The following NEB variants were observed in gnomAD, a reference collection of about 807,000 sequenced individuals.
The protein encoded by NEB is nemaline myopathy type 2.
In NEB, 512 loss-of-function variants were observed where a neutral mutation model predicts 952.2. That is an observed-to-expected ratio of 0.54 (90% CI 0.50 to 0.58). NEB has a LOEUF of 0.58. NEB is among the 20% of genes least tolerant of loss of function. The pLI is 0.00. For synonymous variants in NEB, 2,900 were observed against 3,149.8 expected (o/e 0.92, Z 2.66); for missense variants, 8,428 against 9,231.1 (o/e 0.91, Z 3.56).
intron 175 of NEB, 27 bp downstream of exon 175, chr2:151,493,748 A>G: frequency 6.8e-7 from 1 of 1,470,004 alleles, no homozygotes; most frequent in South Asian, 1.2e-5. Flanking sequence ...TAAGATTTTA[A>G]GGATTTATTT....
At chr2:151,627,336 ATTG>A in intron 69 of NEB, 131 bp from the exon 70 acceptor site, 1 of 1,362,684 alleles carries the variant, frequency 7.3e-7, no homozygotes, top group Non-Finnish European at 9.9e-7. Context: ...TGAAGGCCAA[ATTG>A]AATACAGTCT....
At chr2:151,712,162 G>A (rs2099747257) in intron 10 of NEB, among the ~76,000 whole-genome samples, 1 of 152,118 alleles carries the variant, frequency 6.6e-6, no homozygotes, top group South Asian at 2.1e-4. Flanking sequence ...TTTTTGGAGA[G>A]ACATGGCCCT....
At chr2:151,642,740 C>T in intron 59 of NEB, 25 bp downstream of exon 59, 2 of 1,602,802 alleles carry the variant, frequency 1.2e-6, no homozygotes, top group Non-Finnish European at 1.7e-6. Context: ...GAAAATGTAT[C>T]ACGCACTATG....
Position 151,694,259 on chromosome 2 carries a change from G to C in NEB, c.1896+64C>G, listed in dbSNP as rs1391251085. ...TCAGTTAGGCTAACGTCCATCCAAGGTTATATTAAACAGCAACTTTGTGGC... is the reference window on the plus strand; with the variant it reads ...TCAGTTAGGCTAACGTCCATCCAAGCTTATATTAAACAGCAACTTTGTGGC... On this transcript the variant is annotated intron_variant, in intron 20 of 181. Coordinates refer to ENST00000397345, the MANE Select transcript of NEB (RefSeq NM_001164508.2). The C allele has an allele frequency of 2.2e-6, 3 of 1,359,512 alleles. No homozygotes were observed. The African/African-American group carries it at 4.3e-5, about 20-fold the overall frequency. The allele number at this position is 1,359,512 out of a possible 1,614,324, so 84.2% of individuals were successfully genotyped here.
Position 151,567,256 on chromosome 2 carries a change from T to C in NEB, c.18068A>G (p.Asp6023Gly). ...KQGQTLVSDIDYRNYLHQWMC... is the reference protein window; with the variant it reads ...KQGQTLVSDIGYRNYLHQWMC... ...CCATTGGTGCAAGTAATTACGATAATCAATATCACTGACAAGGGTCTGCCC... is the reference window on the plus strand; with the variant it reads ...CCATTGGTGCAAGTAATTACGATAACCAATATCACTGACAAGGGTCTGCCC... Residue 6023 changes from aspartate to glycine, a missense_variant, in exon 114 of 182, where the codon GAT becomes GGT. Coordinates refer to ENST00000397345, the MANE Select transcript of NEB (RefSeq NM_001164508.2). 1 of 1,613,900 alleles carries C rather than the reference T, an allele frequency of 6.2e-7. No individual in the cohort carries two copies. Among genetic ancestry groups the C allele is most frequent in the Non-Finnish European group, 8.5e-7 (1 of 1,179,816 alleles).
chr2:151,709,674 A>G lies in NEB; in HGVS notation c.1017T>C (p.Ala339=). ...CTCATACCTTGCTAGCTGCCACACCAGCTTTTTTATTCATTTTATACTCTG... is the reference window on the plus strand; with the variant it reads ...CTCATACCTTGCTAGCTGCCACACCGGCTTTTTTATTCATTTTATACTCTG... ...ETPEYKMNKK[A]GVAASKVKYK... Residue 339 remains alanine (A), a synonymous_variant, in exon 12 of 182, where the codon GCT becomes GCC. Transcript: ENST00000397345. 1 of 1,598,092 alleles carries G rather than the reference A, an allele frequency of 6.3e-7. No homozygotes were observed. Among genetic ancestry groups the G allele is most frequent in the Non-Finnish European group, 8.5e-7 (1 of 1,171,124 alleles).
chr2:151,650,981 A>C, intron 52 of NEB, 96 bp from the exon 53 acceptor site: 1 of 1,235,634 alleles, frequency 8.1e-7, no homozygotes. Context: ...TTTTTGAGAC[A>C]GGGGTCTATG....
chr2:151,527,427 G>A (rs923872350), intron 147 of NEB, 54 bp downstream of exon 147: 3 of 1,230,906 alleles, frequency 2.4e-6, no homozygotes, highest in South Asian at 2.6e-5. Context: ...ATTATTCATT[G>A]TATTTCTCAG....
chr2:151,731,811 A>G (rs1170068851), intron 3 of NEB, among the ~76,000 whole-genome samples: 1 of 152,198 alleles, frequency 6.6e-6, no homozygotes, highest in African/African-American at 2.4e-5. Flanking sequence ...TAGGGAAGAC[A>G]ATTTAATTTA....
intron 9 of NEB, among the ~76,000 whole-genome samples, chr2:151,720,926 A>G (rs2099772477): frequency 6.6e-6 from 1 of 152,124 alleles, no homozygotes; most frequent in South Asian, 2.1e-4. Context: ...GGAACTTTCT[A>G]ATTTATCCAT....
At chr2:151,533,890 G>T (rs542473152) in intron 142 of NEB, among the ~76,000 whole-genome samples, 2 of 152,050 alleles carry the variant, frequency 1.3e-5, no homozygotes, top group East Asian at 3.9e-4. Flanking sequence ...TTTGTTTTTT[G>T]TTGTTGTTTG....
chr2:151,552,768 A>G lies in NEB; in HGVS notation c.19740T>C (p.Tyr6580=), dbSNP rs1227390222. The G allele has an allele frequency of 6.2e-7, 1 of 1,611,398 alleles. No individual in the cohort carries two copies. Among genetic ancestry groups the G allele is most frequent in the Non-Finnish European group, 8.5e-7 (1 of 1,178,284 alleles). ...HAYDLRDDIK[Y]KAHMLKTRND... ...TCCTTGTTTTCAACATGTGAGCTTT[A>G]TACTTGATCTGCCGAGAGGAAGAAA... Residue 6580 remains tyrosine, a synonymous_variant, in exon 128 of 182, where the codon TAT becomes TAC. Transcript: ENST00000397345.
chr2:151,666,548 A>G (rs2099219919), intron 40 of NEB, 147 bp from the exon 41 acceptor site: 2 of 735,944 alleles, frequency 2.7e-6, no homozygotes, highest in Admixed American at 5.9e-5. Flanking sequence ...ATAAACAATT[A>G]GCAAAATATT....
At chr2:151,661,084 C>A (rs2099142658) in intron 46 of NEB, among the ~76,000 whole-genome samples, 1 of 152,138 alleles carries the variant, frequency 6.6e-6, no homozygotes, top group Non-Finnish European at 1.5e-5. Context: ...GTGGGAGGTG[C>A]TTTGCTTCTC....
intron 12 of NEB, among the ~76,000 whole-genome samples, chr2:151,709,185 G>A (rs746855707): frequency 2.6e-5 from 4 of 152,276 alleles, no homozygotes; most frequent in Non-Finnish European, 4.4e-5. Flanking sequence ...GGGAAAATAA[G>A]AAAAATAATG....
intron 11 of NEB, among the ~76,000 whole-genome samples, chr2:151,710,218 G>A (rs1341760835): frequency 1.3e-5 from 2 of 152,224 alleles, no homozygotes; most frequent in African/African-American, 4.8e-5. Flanking sequence ...AAAAATTGAG[G>A]TAGAAATAAT....
At chr2:151,505,928 T>G in intron 164 of NEB, 1 of 575,496 alleles carries the variant, frequency 1.7e-6, no homozygotes, top group South Asian at 2.2e-5. Flanking sequence ...CTGTACCGGA[T>G]TCTACCTTCT....
In NEB at chr2:151,620,345, GTGTATATATATATA is replaced by G. The variant is rs1422981362; in HGVS notation, c.10560+560_10560+573del. Reference sequence around the variant, plus strand: ...TTTTATTATATATATATGTATGTGTGTGTATATATATATATATATATATATATATATATATATAT... The same window carrying G: ...TTTTATTATATATATATGTATGTGTGTATATATATATATATATATATATAT... On this transcript the variant is annotated intron_variant, in intron 72 of 181. Coordinates refer to ENST00000397345, the MANE Select transcript of NEB (RefSeq NM_001164508.2). Among the ~76,000 whole-genome samples the G allele has an allele frequency of 6.0e-3, 530 of 87,898 alleles. 8 individuals are homozygous for G. Among genetic ancestry groups the G allele is most frequent in the Middle Eastern group, 0.011 (2 of 178 alleles). The allele number at this position is 87,898 out of a possible 152,430, so 57.7% of individuals were successfully genotyped here. A position where few individuals can be genotyped will look rare whatever the true frequency, so the allele number is the denominator to read the frequency against.
At chr2:151,658,913 G>A (rs895574972) in intron 47 of NEB, among the ~76,000 whole-genome samples, 152 bp downstream of exon 47, 11 of 151,958 alleles carry the variant, frequency 7.2e-5, no homozygotes, top group South Asian at 2.1e-4. Context: ...CTCCAACTCC[G>A]CAAAGCAAAA....
Sources: gnomAD v4.1 joint callset for allele counts (sites outside exome capture counted in the v4.1 genomes callset) on GRCh38, gnomAD v4.1.1 for gene constraint, MANE v1.5 for transcripts, NCBI Gene and HGNC (gene_info 2026-07-23, HGNC 2026-07-21) for gene names.